MTG1: variants seen among roughly 807,000 people sequenced by gnomAD.
The protein encoded by MTG1 is mitochondrial ribosome associated GTPase 1, also known as mitochondrial ribosome-associated GTPase 1.
In MTG1, 30 loss-of-function variants were observed where a neutral mutation model predicts 39.5. The ratio of observed to expected loss-of-function variants is 0.76; its 90% CI spans 0.57 to 1.03. The LOEUF (loss-of-function observed/expected upper bound fraction) is 1.03. MTG1 is among the 50% of genes least tolerant of loss of function. MTG1 has a pLI of 0.00. For missense variants in MTG1, 513 were observed against 447.4 expected, an observed-to-expected ratio of 1.15 and a Z score of -1.32; for synonymous variants, 217 against 179.0, an observed-to-expected ratio of 1.21 and a Z score of -1.69.
intron 2 of MTG1, 45 bp downstream of exon 2, chr10:133,395,822 A>G: frequency 4.4e-6 from 7 of 1,588,962 alleles, no homozygotes; most frequent in Non-Finnish European, 5.2e-6. Context: ...CTGAAGTCAT[A>G]TTACACATTA....
chr10:133,399,376 G>A (rs1467840173), intron 5 of MTG1, 150 bp downstream of exon 5: 8 of 1,198,950 alleles, frequency 6.7e-6, no homozygotes, highest in Non-Finnish European at 9.7e-6. Flanking sequence ...AAAGGGCCGA[G>A]GCCGTCCCCG....
At position 133,420,053 on chromosome 10, in the gene MTG1, A is replaced by G. The variant is rs778740109; in HGVS notation, c.893A>G (p.Tyr298Cys). The change falls in exon 11 of 11, where the codon TAT (tyrosine) becomes TGT (cysteine). Residue 298 changes from tyrosine (Y) to cysteine (C), a missense_variant. By Grantham distance (194) the Tyr-to-Cys change is radical. Transcript: ENST00000317502. ...AACGTGAACATTATTCAGCCTAACT[A>G]TCCTGCGGCAGCCCGTGACTTCCTG... ...TGNVNIIQPN[Y>C]PAAARDFLQT... 54 of 1,612,830 alleles carry G rather than the reference A, an allele frequency of 3.3e-5. No homozygotes were observed. Among genetic ancestry groups the G allele is most frequent in the Non-Finnish European group, 4.6e-5 (54 of 1,179,462 alleles).
intron 6 of MTG1, 53 bp downstream of exon 6, chr10:133,399,672 G>C (rs375376407): frequency 6.4e-7 from 1 of 1,550,546 alleles, no homozygotes; most frequent in African/African-American, 1.4e-5. Context: ...GCGTGTGGCT[G>C]ATGTGCTGAT....
At chr10:133,405,279 A>T (rs1564820725) in intron 9 of MTG1, among the ~76,000 whole-genome samples, 1 of 152,222 alleles carries the variant, frequency 6.6e-6, no homozygotes, top group African/African-American at 2.4e-5. Context: ...TTATCTTTTG[A>T]TACAAAGTAG....
chr10:133,410,727 G>A lies in MTG1; in HGVS notation c.752+7954G>A, dbSNP rs186585960. Among the ~76,000 whole-genome samples, 12 of 152,334 alleles carry A rather than the reference G, an allele frequency of 7.9e-5. No individual in the cohort carries two copies. The East Asian group carries it at 2.3e-3, about 29-fold the overall frequency. On this transcript the variant is annotated intron_variant, in intron 9 of 10. Transcript: ENST00000317502. Reference sequence around the variant, plus strand: ...TTTGAGGCTGCAGTGAGCTATGATCGTGCCATCGCACTTCAGCCTGGGTGA... The same window carrying A: ...TTTGAGGCTGCAGTGAGCTATGATCATGCCATCGCACTTCAGCCTGGGTGA...
Position 133,402,374 on chromosome 10 carries a change from C to A in MTG1, c.670+129C>A. The A allele has an allele frequency of 9.2e-7, 1 of 1,088,690 alleles. No individual in the cohort carries two copies. The highest frequency in any genetic ancestry group is 1.4e-6 in the Non-Finnish European group (1 of 732,172). 67.4% of individuals were successfully genotyped at this position (1,088,690 alleles called of 1,614,324 possible). A position where few individuals can be genotyped will look rare whatever the true frequency, so the allele number is the denominator to read the frequency against. ...GCCTTTGACCTGGTTGCTGCCAGAC[C>A]TTCCTCGAAGCTTAGTGTGAGAGCT... On this transcript the variant is annotated intron_variant, in intron 8 of 10. Coordinates refer to ENST00000317502, the MANE Select transcript of MTG1 (RefSeq NM_138384.4). The surrounding 1 kb of genome is among the most constrained non-coding windows in gnomAD (Gnocchi z 4.7).
Position 133,399,244 on chromosome 10 carries a change from A to C in MTG1, c.420+18A>C, listed in dbSNP as rs777579232. 3.7e-6 allele frequency: 6 copies of C among 1,613,686 alleles called. No individual in the cohort carries two copies. Among genetic ancestry groups the C allele is most frequent in the Middle Eastern group, 3.3e-4 (2 of 6,070 alleles). ...GAAAAGAGGTTGGTTGGTGGGGCCC[A>C]GAGCTGGGAGTGGGAGGCGGGCGTG... On this transcript the variant is annotated intron_variant, in intron 5 of 10. Coordinates refer to ENST00000317502, the MANE Select transcript of MTG1 (RefSeq NM_138384.4).
At chr10:133,413,810 C>T (rs1850079745) in intron 9 of MTG1, among the ~76,000 whole-genome samples, 1 of 151,808 alleles carries the variant, frequency 6.6e-6, no homozygotes, top group Non-Finnish European at 1.5e-5. Flanking sequence ...ACTTTCTTTC[C>T]TTCATACAGT....
In MTG1 at chr10:133,402,919, A is replaced by C. The variant is rs1056390728; in HGVS notation, c.752+146A>C. On this transcript the variant is annotated intron_variant, in intron 9 of 10. Coordinates refer to ENST00000317502, the MANE Select transcript of MTG1 (RefSeq NM_138384.4). This position sits in a 1 kb window ranked among gnomAD's most constrained non-coding sequence, Gnocchi z 4.7. ...ATCGTTTAAAGCGTCCAGTTGGACA[A>C]GTTCGGGAGTATGGCTATACGTCTG... 7 of 633,800 alleles carry C rather than the reference A, an allele frequency of 1.1e-5. No homozygotes were observed. Among genetic ancestry groups the C allele is most frequent in the Non-Finnish European group, 1.9e-5 (7 of 369,334 alleles). 39.3% of individuals were successfully genotyped at this position (633,800 alleles called of 1,614,324 possible).
At chr10:133,396,548 A>G (rs1338685311) in intron 3 of MTG1, among the ~76,000 whole-genome samples, 2 of 152,218 alleles carry the variant, frequency 1.3e-5, no homozygotes, top group African/African-American at 4.8e-5. Context: ...GTGAGTGCGC[A>G]TTGTGGGCAG....
intron 10 of MTG1, 97 bp downstream of exon 10, chr10:133,419,689 C>T: frequency 9.8e-7 from 1 of 1,016,180 alleles, no homozygotes; most frequent in Non-Finnish European, 1.5e-6. Context: ...AGGAACGTGT[C>T]AAGGAGCATG....
chr10:133,394,235 G>T lies in MTG1; in HGVS notation c.15G>T (p.Pro5=). The change falls in exon 1 of 11, where the codon CCG becomes CCT. Residue 5 remains proline, a synonymous_variant. Transcript: ENST00000317502. Reference sequence around the variant, plus strand: ...ACGGTGCCGCCATGAGATTGACCCCGCGCGCGCTGTGCAGCGCCGCCCAGG... The same window carrying T: ...ACGGTGCCGCCATGAGATTGACCCCTCGCGCGCTGTGCAGCGCCGCCCAGG... MRLT[P]RALCSAAQAA... The T allele has an allele frequency of 1.3e-6, 2 of 1,515,908 alleles. No homozygotes were observed. Among genetic ancestry groups the T allele is most frequent in the Non-Finnish European group, 1.8e-6 (2 of 1,136,708 alleles). The allele number at this position is 1,515,908 out of a possible 1,614,324, so 93.9% of individuals were successfully genotyped here.
At chr10:133,413,448 T>A (rs1850074285) in intron 9 of MTG1, among the ~76,000 whole-genome samples, 1 of 151,850 alleles carries the variant, frequency 6.6e-6, no homozygotes, top group Non-Finnish European at 1.5e-5. Flanking sequence ...AGATGGGAGT[T>A]TCGCCATGTT....
chr10:133,401,633 C>G, intron 7 of MTG1, 43 bp downstream of exon 7: 1 of 1,596,588 alleles, frequency 6.3e-7, no homozygotes, highest in Non-Finnish European at 8.6e-7. Flanking sequence ...GTCAAGAGCT[C>G]TGCAGGCGTC....
At chr10:133,404,599 CTT>C (rs1245036748) in intron 9 of MTG1, among the ~76,000 whole-genome samples, 3 of 152,138 alleles carry the variant, frequency 2.0e-5, no homozygotes, top group African/African-American at 7.2e-5. Context: ...CCAGAGTACT[CTT>C]GTTGTCATAT....
intron 9 of MTG1, among the ~76,000 whole-genome samples, chr10:133,418,810 C>CT (rs1411991452): frequency 6.6e-6 from 1 of 152,170 alleles, no homozygotes; most frequent in African/African-American, 2.4e-5. Context: ...GCTCCCAAGG[C>CT]TTAGGGTGGT....
chr10:133,415,141 CAGAGGGAGACCGTGGAAAGAGAGGG>C lies in MTG1; in HGVS notation c.753-4322_753-4298del, dbSNP rs1391943346. 2.3e-3 allele frequency among the ~76,000 whole-genome samples: 354 copies of C among 151,430 alleles called. 1 individual carries two copies. Among genetic ancestry groups the C allele is most frequent in the South Asian group, 4.6e-3 (22 of 4,818 alleles). ...GTACAGTCCAGCTTCGGCTCGGCAT[CAGAGGGAGACCGTGGAAAGAGAGGG>C]AGAGGGAGACCGTGGAGAGGGAGAG... On this transcript the variant is annotated intron_variant, in intron 9 of 10. Transcript: ENST00000317502.
Position 133,399,910 on chromosome 10 carries a change from T to C in MTG1, c.511+291T>C, listed in dbSNP as rs1323014363. Reference sequence around the variant, plus strand: ...TATTTGTTCATTTATTTAAATCCCTTTGGCCGGGTGCATGGCTCACGCCTG... The same window carrying C: ...TATTTGTTCATTTATTTAAATCCCTCTGGCCGGGTGCATGGCTCACGCCTG... On this transcript the variant is annotated intron_variant, in intron 6 of 10. Coordinates refer to ENST00000317502, the MANE Select transcript of MTG1 (RefSeq NM_138384.4). 3 of 334,360 alleles carry C rather than the reference T, an allele frequency of 9.0e-6. No individual in the cohort carries two copies. The East Asian group carries it at 1.8e-4, about 20-fold the overall frequency. The allele number at this position is 334,360 out of a possible 1,614,324, so 20.7% of individuals were successfully genotyped here.
chr10:133,394,419 T>G, intron 1 of MTG1, 87 bp downstream of exon 1: 1 of 1,345,392 alleles, frequency 7.4e-7, no homozygotes, highest in Non-Finnish European at 9.7e-7. Flanking sequence ...CGTCGCCTGC[T>G]TCTCCCGGTC....
Sources: gnomAD v4.1 joint callset for allele counts (sites outside exome capture counted in the v4.1 genomes callset) on GRCh38, gnomAD v4.1.1 for gene constraint, Gnocchi (gnomAD v3.1) non-coding constraint, MANE v1.5 for transcripts, NCBI Gene and HGNC (gene_info 2026-07-23, HGNC 2026-07-21) for gene names.